The following FOXP1 variants were observed in gnomAD, a reference collection of about 807,000 sequenced individuals.
FOXP1 encodes the protein forkhead box P1, also known as forkhead box protein P1.
A neutral mutation model predicts 98.2 loss-of-function variants in FOXP1; 15 were observed. The ratio of observed to expected loss-of-function variants is 0.15; its 90% CI spans 0.10 to 0.24. The LOEUF (loss-of-function observed/expected upper bound fraction) is 0.24. Among genes scored for constraint, FOXP1 ranks in the 10% least tolerant of loss-of-function variants. FOXP1 has a pLI of 1.00. For missense variants in FOXP1, 633 were observed against 848.5 expected, an observed-to-expected ratio of 0.75 and a Z score of 3.15; for synonymous variants, 371 against 314.5, an observed-to-expected ratio of 1.18 and a Z score of -1.90.
At chr3:71,225,935 T>C (rs2065801015) in intron 5 of FOXP1, among the ~76,000 whole-genome samples, 1 of 152,192 alleles carries the variant, frequency 6.6e-6, no homozygotes, top group African/African-American at 2.4e-5. Context: ...TTCAGATATT[T>C]AGGCAACACT....
intron 6 of FOXP1, 51 bp downstream of exon 6, chr3:71,198,151 G>T (rs774482146): frequency 3.1e-6 from 5 of 1,613,644 alleles, no homozygotes; most frequent in Non-Finnish European, 4.2e-6. Flanking sequence ...AAATTCAGCA[G>T]TAAAATTCGC....
intron 2 of FOXP1, among the ~76,000 whole-genome samples, chr3:71,565,898 G>A (rs1270806169): frequency 6.6e-6 from 1 of 152,166 alleles, no homozygotes; most frequent in African/African-American, 2.4e-5. Flanking sequence ...GAAGTCATTT[G>A]GGGTCGATAA....
rs535838365 is a variant in FOXP1, at chr3:70,992,586, G to A, written c.1063-4509C>T. 1.2e-4 allele frequency among the ~76,000 whole-genome samples: 19 copies of A among 152,186 alleles called. No homozygotes were observed. In the South Asian group the frequency reaches 1.9e-3, roughly 15 times the overall value. On this transcript the variant is annotated intron_variant, in intron 13 of 20. Transcript: ENST00000649528. ...AATGAGTTCTTTCACACCAACTACC[G>A]CATTCAGGTGGTGGGCAATATATGG...
intron 2 of FOXP1, among the ~76,000 whole-genome samples, chr3:71,561,997 A>G (rs539864706): frequency 1.1e-4 from 17 of 152,294 alleles, no homozygotes; most frequent in African/African-American, 4.1e-4. Context: ...AAGTACTTCC[A>G]TATGTCTCCA....
intron 4 of FOXP1, among the ~76,000 whole-genome samples, chr3:71,304,241 C>T (rs1441878588): frequency 6.6e-6 from 1 of 152,132 alleles, no homozygotes; most frequent in Non-Finnish European, 1.5e-5. Flanking sequence ...CCACATCGGC[C>T]CATCTCATTT....
At chr3:71,202,225 C>T (rs546977862) in intron 5 of FOXP1, among the ~76,000 whole-genome samples, 11 of 152,314 alleles carry the variant, frequency 7.2e-5, no homozygotes, top group Admixed American at 3.9e-4. Flanking sequence ...TGTGAGAGTG[C>T]AGGCTTTGGG....
At chr3:71,484,163 C>T (rs1002331916) in intron 3 of FOXP1, among the ~76,000 whole-genome samples, 2 of 152,184 alleles carry the variant, frequency 1.3e-5, no homozygotes, top group African/African-American at 4.8e-5. Flanking sequence ...TATCCATAGT[C>T]TGATTATAAC....
chr3:71,068,727 G>T (rs1186534461), intron 7 of FOXP1, among the ~76,000 whole-genome samples: 1 of 152,200 alleles, frequency 6.6e-6, no homozygotes, highest in African/African-American at 2.4e-5. Context: ...AACTTAAAGA[G>T]ATTCAACCAA....
At chr3:71,196,608 G>A (rs1450567921) in intron 6 of FOXP1, among the ~76,000 whole-genome samples, 2 of 152,156 alleles carry the variant, frequency 1.3e-5, no homozygotes, top group East Asian at 3.9e-4. Context: ...CACTTGTCTG[G>A]TAAGGGCACA....
At chr3:71,150,846 G>A (rs1003580301) in intron 6 of FOXP1, among the ~76,000 whole-genome samples, 7 of 152,012 alleles carry the variant, frequency 4.6e-5, no homozygotes, top group African/African-American at 7.3e-5. Flanking sequence ...TGTCTACCCC[G>A]TTACGGTCTC....
At chr3:71,237,007 G>A (rs1164959523) in intron 5 of FOXP1, among the ~76,000 whole-genome samples, 1 of 151,454 alleles carries the variant, frequency 6.6e-6, no homozygotes, top group Non-Finnish European at 1.5e-5. Flanking sequence ...GCCGAGGCGG[G>A]CAAATCACGA....
intron 3 of FOXP1, among the ~76,000 whole-genome samples, chr3:71,430,244 A>C (rs1036960744): frequency 6.6e-6 from 1 of 152,174 alleles, no homozygotes; most frequent in Non-Finnish European, 1.5e-5. Flanking sequence ...GGCATTGCTA[A>C]CTCAATCCGA....
At chr3:71,575,849 T>C (rs2047682196) in intron 2 of FOXP1, among the ~76,000 whole-genome samples, 1 of 152,224 alleles carries the variant, frequency 6.6e-6, no homozygotes, top group African/African-American at 2.4e-5. Flanking sequence ...TATGACTCAA[T>C]TGCACAGCTG....
intron 13 of FOXP1, among the ~76,000 whole-genome samples, chr3:70,994,025 A>G (rs1201212448): frequency 6.6e-6 from 1 of 151,408 alleles, no homozygotes; most frequent in Non-Finnish European, 1.5e-5. Context: ...AAAAAGAAAA[A>G]GAAAAAGAAA....
intron 2 of FOXP1, among the ~76,000 whole-genome samples, chr3:71,542,573 T>A (rs958140203): frequency 1.3e-5 from 2 of 152,240 alleles, no homozygotes; most frequent in African/African-American, 2.4e-5. Context: ...CTGCAGCAGA[T>A]GTTGGCTGTT....
chr3:71,110,007 C>G (rs913194327), intron 7 of FOXP1, among the ~76,000 whole-genome samples: 1 of 152,160 alleles, frequency 6.6e-6, no homozygotes, highest in African/African-American at 2.4e-5. Flanking sequence ...ATTACCCCTT[C>G]TCCCCCTACT....
intron 4 of FOXP1, chr3:71,332,258 G>A (rs997180022): frequency 7.0e-5 from 11 of 156,128 alleles, no homozygotes; most frequent in Non-Finnish European, 1.3e-4. Flanking sequence ...AACTCCAGAC[G>A]CGCCGCCTTA....
intron 5 of FOXP1, among the ~76,000 whole-genome samples, chr3:71,243,424 C>T (rs372722472): frequency 2.6e-5 from 4 of 152,152 alleles, no homozygotes; most frequent in East Asian, 3.9e-4. Flanking sequence ...TCTTAGCACT[C>T]GAGTCCCGTG....
chr3:71,377,438 C>A (rs2079806628), intron 3 of FOXP1, among the ~76,000 whole-genome samples: 1 of 152,158 alleles, frequency 6.6e-6, no homozygotes, highest in Non-Finnish European at 1.5e-5. Context: ...TACATAATCA[C>A]ATTCAACCAA....
Sources: gnomAD v4.1 joint callset for allele counts (sites outside exome capture counted in the v4.1 genomes callset) on GRCh38, gnomAD v4.1.1 for gene constraint, MANE v1.5 for transcripts, NCBI Gene and HGNC (gene_info 2026-07-23, HGNC 2026-07-21) for gene names.